The following NTM variants were observed in gnomAD, a reference collection of about 807,000 sequenced individuals.
NTM encodes the protein IgLON family member 2.
A neutral mutation model predicts 42.1 loss-of-function variants in NTM; 13 were observed. That is an observed-to-expected ratio of 0.31 (90% CI 0.20 to 0.49). The LOEUF (loss-of-function observed/expected upper bound fraction) is 0.49, where lower values mean the gene tolerates loss of function less well. NTM is among the 20% of genes least tolerant of loss of function. The pLI is 0.99. For synonymous variants in NTM, 187 were observed against 179.2 expected, an observed-to-expected ratio of 1.04 and a Z score of -0.35; for missense variants, 373 against 452.8, an observed-to-expected ratio of 0.82 and a Z score of 1.60.
chr11:132,245,256 C>T (rs1435146188), intron 4 of NTM, among the ~76,000 whole-genome samples: 2 of 152,092 alleles, frequency 1.3e-5, no homozygotes, highest in Non-Finnish European at 2.9e-5. Context: ...GAGAAGGAAC[C>T]TACTGTCCAG....
At chr11:131,785,822 A>C (rs984576708) in intron 1 of NTM, among the ~76,000 whole-genome samples, 3 of 152,202 alleles carry the variant, frequency 2.0e-5, no homozygotes, top group African/African-American at 7.2e-5. Context: ...CTTTATAAAG[A>C]CTGATATGCC....
intron 1 of NTM, among the ~76,000 whole-genome samples, chr11:131,427,698 C>T (rs1223284357): frequency 6.6e-6 from 1 of 152,170 alleles, no homozygotes; most frequent in Non-Finnish European, 1.5e-5. Flanking sequence ...CAGTTCATTG[C>T]AAATCAACTT....
intron 2 of NTM, among the ~76,000 whole-genome samples, chr11:132,100,537 C>A (rs1016727583): frequency 6.6e-6 from 1 of 152,214 alleles, no homozygotes; most frequent in Non-Finnish European, 1.5e-5. Context: ...TGGCAGGAAG[C>A]AGGCCATCTC....
chr11:131,711,063 G>C (rs2077069894), intron 1 of NTM, among the ~76,000 whole-genome samples: 1 of 152,122 alleles, frequency 6.6e-6, no homozygotes, highest in Non-Finnish European at 1.5e-5. Flanking sequence ...TCAGGACATA[G>C]GCATGGGCAA....
intron 4 of NTM, among the ~76,000 whole-genome samples, chr11:132,240,776 A>G (rs2090058691): frequency 1.3e-5 from 2 of 152,254 alleles, no homozygotes; most frequent in African/African-American, 2.4e-5. Context: ...ACGTTGAGAT[A>G]TGTCGTCAGT....
chr11:132,284,140 C>T (rs563654448), intron 4 of NTM, among the ~76,000 whole-genome samples: 19 of 152,226 alleles, frequency 1.2e-4, no homozygotes, highest in African/African-American at 3.1e-4. Flanking sequence ...AAAGAGCTGG[C>T]GCACAGCAAA....
At chr11:132,254,764 G>A (rs1166507316) in intron 4 of NTM, among the ~76,000 whole-genome samples, 1 of 152,152 alleles carries the variant, frequency 6.6e-6, no homozygotes, top group Non-Finnish European at 1.5e-5. Context: ...GGGTTTGGAT[G>A]GTTTCCAGTG....
intron 1 of NTM, among the ~76,000 whole-genome samples, chr11:131,837,636 G>T (rs1169712645): frequency 6.6e-6 from 1 of 152,150 alleles, no homozygotes; most frequent in Admixed American, 6.5e-5. Flanking sequence ...CTGTTTGAAG[G>T]TGTCCTAGAC....
chr11:131,510,886 A>T (rs1362083520), intron 1 of NTM, among the ~76,000 whole-genome samples: 2 of 152,110 alleles, frequency 1.3e-5, no homozygotes, highest in Non-Finnish European at 1.5e-5. Flanking sequence ...CCGTGGGAAG[A>T]GCTCCCTCTG....
At chr11:131,963,236 A>C (rs2062425587) in intron 2 of NTM, among the ~76,000 whole-genome samples, 1 of 152,114 alleles carries the variant, frequency 6.6e-6, no homozygotes, top group South Asian at 2.1e-4. Context: ...AAGCACCCCA[A>C]ATCCACAGGT....
chr11:131,600,185 G>A (rs1162540770), intron 1 of NTM, among the ~76,000 whole-genome samples: 1 of 152,192 alleles, frequency 6.6e-6, no homozygotes, highest in African/African-American at 2.4e-5. Flanking sequence ...TGGGGTGAGG[G>A]TTGTAGGGAG....
Position 132,208,611 on chromosome 11 carries a change from G to T in NTM, c.401-3411G>T, listed in dbSNP as rs368178079. Reference sequence around the variant, plus strand: ...ACAGCTCTGGCCCAAACCACCTTCTGTCCTGCTTGGGGACTGTCCATTGTT... The same window carrying T: ...ACAGCTCTGGCCCAAACCACCTTCTTTCCTGCTTGGGGACTGTCCATTGTT... On this transcript the variant is annotated intron_variant, in intron 3 of 8. Coordinates refer to ENST00000683400, the MANE Select transcript of NTM (RefSeq NM_001352005.2). Among the ~76,000 whole-genome samples, 27 of 152,244 alleles carry T rather than the reference G, an allele frequency of 1.8e-4. No homozygotes were observed. In the South Asian group the frequency reaches 4.1e-3, roughly 23 times the overall value.
At chr11:131,904,692 GGA>G (rs2053616370) in intron 1 of NTM, among the ~76,000 whole-genome samples, 1 of 152,196 alleles carries the variant, frequency 6.6e-6, no homozygotes, top group Non-Finnish European at 1.5e-5. Context: ...ACAATGGGAT[GGA>G]GGTGTCCTGT....
intron 1 of NTM, among the ~76,000 whole-genome samples, chr11:131,829,187 A>G (rs867706556): frequency 6.6e-6 from 1 of 151,986 alleles, no homozygotes. Flanking sequence ...TAAAAAAAAA[A>G]TGATTACAAA....
At chr11:131,441,915 C>T (rs751665769) in intron 1 of NTM, among the ~76,000 whole-genome samples, 1 of 152,194 alleles carries the variant, frequency 6.6e-6, no homozygotes, top group South Asian at 2.1e-4. Context: ...AGGGAAAACA[C>T]TGGAGGCCTG....
At chr11:131,965,509 G>A (rs2062727587) in intron 2 of NTM, among the ~76,000 whole-genome samples, 1 of 152,162 alleles carries the variant, frequency 6.6e-6, no homozygotes, top group Admixed American at 6.5e-5. Flanking sequence ...ATTATTAATT[G>A]TATTATTAAA....
At chr11:131,562,229 A>G (rs1164314418) in intron 1 of NTM, among the ~76,000 whole-genome samples, 7 of 152,066 alleles carry the variant, frequency 4.6e-5, no homozygotes, top group Non-Finnish European at 1.0e-4. Context: ...TCTCATCCGC[A>G]GTGGGGGAGG....
Position 131,788,801 on chromosome 11 carries a change from A to G in NTM, c.83-122763A>G, listed in dbSNP as rs546724632. ...AGTTCTAGTTATAATGTAGTGTTCT[A>G]GGCAGCATTTAGACTTTTTTGGGGT... On this transcript the variant is annotated intron_variant, in intron 1 of 8. Transcript: ENST00000683400. 5.9e-5 allele frequency among the ~76,000 whole-genome samples: 9 copies of G among 152,302 alleles called. No individual in the cohort carries two copies. The South Asian group carries it at 1.9e-3, about 32-fold the overall frequency.
chr11:132,246,846 C>T (rs996162066), intron 4 of NTM, among the ~76,000 whole-genome samples: 2 of 152,204 alleles, frequency 1.3e-5, no homozygotes, highest in Admixed American at 6.5e-5. Context: ...AGCTCAGCAT[C>T]CAGCATGATG....
Sources: allele counts gnomAD v4.1 joint callset (sites outside exome capture counted in the v4.1 genomes callset), GRCh38; gene constraint gnomAD v4.1.1; transcripts MANE v1.5; gene names NCBI Gene and HGNC (gene_info 2026-07-23, HGNC 2026-07-21).